MKLN1: variants seen among roughly 807,000 people sequenced by gnomAD.
MKLN1 encodes muskelin 1.
A neutral mutation model predicts 99.0 loss-of-function variants in MKLN1; 18 were observed. That is an observed-to-expected ratio of 0.18 (90% CI 0.13 to 0.27). The LOEUF (loss-of-function observed/expected upper bound fraction) is 0.27, where lower values mean the gene tolerates loss of function less well. Among genes scored for constraint, MKLN1 ranks in the 10% least tolerant of loss-of-function variants. The probability of loss-of-function intolerance (pLI) is 1.00; values close to 1 mark genes in which losing one functional copy is unlikely to be tolerated. For synonymous variants in MKLN1, 288 were observed against 293.2 expected, an observed-to-expected ratio of 0.98 and a Z score of 0.18; for missense variants, 621 against 875.9, an observed-to-expected ratio of 0.71 and a Z score of 3.67.
At chr7:131,440,500 ATAAC>A (rs1183294543) in intron 10 of MKLN1, among the ~76,000 whole-genome samples, 2 of 152,218 alleles carry the variant, frequency 1.3e-5, no homozygotes, top group African/African-American at 4.8e-5. Context: ...AAAGCAATAA[ATAAC>A]AAAGCTTTAG....
chr7:131,237,815 G>C (rs1430780143), intron 3 of MKLN1, among the ~76,000 whole-genome samples: 6 of 152,138 alleles, frequency 3.9e-5, no homozygotes. Flanking sequence ...TGGAGACCAA[G>C]GGATTTGTCA....
rs1796802287 is a variant in MKLN1 at position 131,470,904 on chromosome 7, A to T, written c.1991A>T (p.Tyr664Phe). Residue 664 changes from tyrosine to phenylalanine, a missense_variant, in exon 16 of 18, where the codon TAT becomes TTT. This residue lies in a region of MKLN1 where 126 missense variants were observed against 157.4 expected (regional missense o/e 0.80). Coordinates refer to ENST00000352689, the MANE Select transcript of MKLN1 (RefSeq NM_013255.5). ...CTGAAATATTTACAAAATGATCTTT[A>T]TATAACTGTGGATCATTCAGACCCA... ...SALKYLQNDLYITVDHSDPEE... is the reference protein window; with the variant it reads ...SALKYLQNDLFITVDHSDPEE... 1 of 1,613,090 alleles carries T rather than the reference A, an allele frequency of 6.2e-7. No individual in the cohort carries two copies.
At chr7:131,340,401 C>CG (rs894119212) in intron 1 of MKLN1, among the ~76,000 whole-genome samples, 2 of 151,614 alleles carry the variant, frequency 1.3e-5, no homozygotes, top group Non-Finnish European at 1.5e-5. Context: ...CCTCAGCCCC[C>CG]CCAAGTAGCT....
chr7:131,189,783 G>C (rs1193319558), intron 2 of MKLN1, among the ~76,000 whole-genome samples: 2 of 152,172 alleles, frequency 1.3e-5, no homozygotes, highest in Non-Finnish European at 2.9e-5. Context: ...AGGACCACCT[G>C]TGAATGGAAA....
chr7:131,127,167 AAAAAAAAAAAAAAAAG>A (rs750530716), intron 1 of MKLN1, among the ~76,000 whole-genome samples: 4,703 of 12,890 alleles, frequency 0.36, 273 homozygotes, highest in African/African-American at 0.46. Context: ...CTCCATCTCA[AAAAAAAAAAAAAAAAG>A]AAAGAAAAGA....
intron 2 of MKLN1, among the ~76,000 whole-genome samples, chr7:131,177,071 G>T (rs1796309541): frequency 6.6e-6 from 1 of 152,200 alleles, no homozygotes; most frequent in South Asian, 2.1e-4. Context: ...AGGTCATTTT[G>T]CCAGCAAGCT....
chr7:131,226,017 G>T lies in MKLN1; in HGVS notation c.-179+23043G>T, dbSNP rs567254225. ...CTGTCCTTCCTGGCCTCTCTACCCCGCCTGCCTTCCCCCCTCCCTCCCTCC... is the reference window on the plus strand; with the variant it reads ...CTGTCCTTCCTGGCCTCTCTACCCCTCCTGCCTTCCCCCCTCCCTCCCTCC... On this transcript the variant is annotated intron_variant, in intron 3 of 7. Transcript: ENST00000416992. 2.3e-5 allele frequency among the ~76,000 whole-genome samples: 3 copies of T among 130,110 alleles called. No homozygotes were observed. In the East Asian group the frequency reaches 6.6e-4, roughly 28 times the overall value. 85.4% of individuals were successfully genotyped at this position (130,110 alleles called of 152,430 possible).
At chr7:131,210,180 A>G (rs1018325582) in intron 3 of MKLN1, among the ~76,000 whole-genome samples, 3 of 152,168 alleles carry the variant, frequency 2.0e-5, no homozygotes, top group Non-Finnish European at 2.9e-5. Context: ...CCTTTCTCCA[A>G]TGGAATAAAA....
chr7:131,227,279 G>A (rs1563259125), intron 3 of MKLN1, among the ~76,000 whole-genome samples: 1 of 152,108 alleles, frequency 6.6e-6, no homozygotes, highest in Non-Finnish European at 1.5e-5. Context: ...CCTCCCTTTA[G>A]TTCTCCAGCA....
intron 4 of MKLN1, among the ~76,000 whole-genome samples, chr7:131,390,252 A>T (rs1012667378): frequency 6.6e-6 from 1 of 152,224 alleles, no homozygotes; most frequent in African/African-American, 2.4e-5. Flanking sequence ...ATACTTATAA[A>T]TTAAAACCTA....
chr7:131,316,763 A>T (rs915236299), intron 3 of MKLN1, among the ~76,000 whole-genome samples: 3 of 152,186 alleles, frequency 2.0e-5, no homozygotes, highest in Non-Finnish European at 2.9e-5. Flanking sequence ...AGGAACATAA[A>T]TGACCTGATG....
chr7:131,415,161 G>A (rs1433322995), intron 8 of MKLN1, among the ~76,000 whole-genome samples: 1 of 150,866 alleles, frequency 6.6e-6, no homozygotes, highest in Non-Finnish European at 1.5e-5. Flanking sequence ...AAGCTTGGTA[G>A]CAAACTTTTT....
chr7:131,288,642 C>T (rs918247728), intron 3 of MKLN1, among the ~76,000 whole-genome samples: 2 of 152,212 alleles, frequency 1.3e-5, no homozygotes, highest in African/African-American at 4.8e-5. Flanking sequence ...GGTGATTCAG[C>T]ACACAGTGCC....
At chr7:131,257,730 G>GTCC (rs1797676946) in intron 3 of MKLN1, among the ~76,000 whole-genome samples, 1 of 152,098 alleles carries the variant, frequency 6.6e-6, no homozygotes, top group African/African-American at 2.4e-5. Context: ...AGGGAGGGAA[G>GTCC]GGGAAGGGAG....
In MKLN1 at chr7:131,293,304, C is replaced by A. The variant is rs1035012864; in HGVS notation, c.-178-82120C>A. Reference sequence around the variant, plus strand: ...TCAGTCCAGCCAAAATCAGCTGAGCCCAGTCCAGAGCAGCAGAACTACCTA... The same window carrying A: ...TCAGTCCAGCCAAAATCAGCTGAGCACAGTCCAGAGCAGCAGAACTACCTA... On this transcript the variant is annotated intron_variant, in intron 3 of 7. Transcript: ENST00000416992. Among the ~76,000 whole-genome samples, 3 of 152,246 alleles carry A rather than the reference C, an allele frequency of 2.0e-5. No homozygotes were observed. The East Asian group carries it at 5.8e-4, about 29-fold the overall frequency.
chr7:131,245,092 A>G (rs992432994), intron 3 of MKLN1, among the ~76,000 whole-genome samples: 12 of 152,172 alleles, frequency 7.9e-5, no homozygotes, highest in Non-Finnish European at 1.5e-4. Context: ...ACATGATACT[A>G]ATAAGAAACT....
intron 1 of MKLN1, among the ~76,000 whole-genome samples, chr7:131,127,676 T>A (rs552126607): frequency 6.6e-6 from 1 of 152,340 alleles, no homozygotes; most frequent in East Asian, 1.9e-4. Flanking sequence ...CAGGACATTT[T>A]GAACTGTGCC....
chr7:131,234,071 C>A (rs1273461706), intron 3 of MKLN1, among the ~76,000 whole-genome samples: 1 of 152,156 alleles, frequency 6.6e-6, no homozygotes, highest in Admixed American at 6.5e-5. Flanking sequence ...CCTCCACTTC[C>A]CGGGTTCAAG....
At chr7:131,187,387 G>T (rs931357748) in intron 2 of MKLN1, among the ~76,000 whole-genome samples, 5 of 151,992 alleles carry the variant, frequency 3.3e-5, no homozygotes, top group Non-Finnish European at 7.4e-5. Flanking sequence ...TGTAGTGTAG[G>T]TGAAGATGTT....
Sources: gnomAD v4.1 joint callset for allele counts (sites outside exome capture counted in the v4.1 genomes callset) on GRCh38, gnomAD v4.1.1 for gene constraint, gnomAD v4.1.1 regional missense constraint, MANE v1.5 for transcripts, NCBI Gene and HGNC (gene_info 2026-07-23, HGNC 2026-07-21) for gene names.